FBXW11: variants seen among roughly 807,000 people sequenced by gnomAD.
FBXW11 encodes the protein F-box/WD repeat-containing protein 11.
FBXW11 carries 19 observed loss-of-function variants against 77.6 expected under a neutral mutation model. The observed-to-expected ratio is 0.24, with a 90% CI of 0.17 to 0.36. The LOEUF is 0.36. Ranked by LOEUF, FBXW11 falls within the 10% of genes least tolerant of loss-of-function variation. The pLI, the probability that FBXW11 is intolerant of heterozygous loss-of-function variation, is 1.00. For synonymous variants in FBXW11, 235 were observed against 249.4 expected, an observed-to-expected ratio of 0.94 and a Z score of 0.54; for missense variants, 334 against 704.2, an observed-to-expected ratio of 0.47 and a Z score of 5.95.
chr5:171,928,331 T>C (rs1455610239), intron 2 of FBXW11, among the ~76,000 whole-genome samples: 1 of 152,154 alleles, frequency 6.6e-6, no homozygotes, highest in Non-Finnish European at 1.5e-5. Context: ...CCCAAAACTA[T>C]CTACAGATTT....
intron 4 of FBXW11, among the ~76,000 whole-genome samples, chr5:171,907,423 T>G (rs1760598764): frequency 6.6e-6 from 1 of 152,158 alleles, no homozygotes; most frequent in Non-Finnish European, 1.5e-5. Context: ...CTCCACACAT[T>G]ATTAAATCTA....
At chr5:171,884,537 T>G (rs1024739544) in intron 7 of FBXW11, among the ~76,000 whole-genome samples, 2 of 152,198 alleles carry the variant, frequency 1.3e-5, no homozygotes, top group Non-Finnish European at 2.9e-5. Context: ...CTTTTTTGGT[T>G]CCAAGTGAAT....
intron 2 of FBXW11, among the ~76,000 whole-genome samples, chr5:171,931,255 T>A (rs1028229167): frequency 6.6e-6 from 1 of 151,954 alleles, no homozygotes; most frequent in African/African-American, 2.4e-5. Context: ...GAGAACAAAG[T>A]TCAAGGAATG....
intron 6 of FBXW11, among the ~76,000 whole-genome samples, chr5:171,897,753 C>T (rs577453665): frequency 2.6e-4 from 39 of 151,204 alleles, no homozygotes; most frequent in African/African-American, 9.5e-4. Context: ...AGTTGCCCCT[C>T]ATCAAGTGAA....
intron 1 of FBXW11, among the ~76,000 whole-genome samples, chr5:171,996,314 A>C (rs1766041998): frequency 6.6e-6 from 1 of 152,226 alleles, no homozygotes; most frequent in African/African-American, 2.4e-5. Flanking sequence ...TAAACAACAT[A>C]TGTCTCTGTT....
intron 2 of FBXW11, among the ~76,000 whole-genome samples, chr5:171,956,733 T>G (rs1221442404): frequency 6.6e-6 from 1 of 152,234 alleles, no homozygotes; most frequent in African/African-American, 2.4e-5. Flanking sequence ...CTCAACCAGA[T>G]GCCAGGAATT....
intron 1 of FBXW11, among the ~76,000 whole-genome samples, chr5:171,998,791 C>T (rs917495884): frequency 1.2e-4 from 16 of 135,842 alleles, no homozygotes; most frequent in African/African-American, 4.7e-4. Flanking sequence ...AGCAAGACTC[C>T]GTCTCAAAAA....
At chr5:171,952,447 A>ATATTTTTT in intron 2 of FBXW11, among the ~76,000 whole-genome samples, 1 of 6,948 alleles carries the variant, frequency 1.4e-4, no homozygotes, top group Non-Finnish European at 3.2e-4. Context: ...ATATATATAT[A>ATATTTTTT]TTTTTTTTTT....
chr5:171,912,809 C>G (rs1463015947), intron 3 of FBXW11, among the ~76,000 whole-genome samples: 1 of 151,940 alleles, frequency 6.6e-6, no homozygotes, highest in Non-Finnish European at 1.5e-5. Context: ...ACTCAGGAGG[C>G]TGAGGCAGGA....
At chr5:171,889,479 G>A (rs1451566082) in intron 7 of FBXW11, among the ~76,000 whole-genome samples, 2 of 143,498 alleles carry the variant, frequency 1.4e-5, no homozygotes, top group Non-Finnish European at 3.0e-5. Flanking sequence ...AGTGAGCCGA[G>A]ATCATGCCAC....
chr5:171,913,111 C>T (rs889400075), intron 3 of FBXW11, among the ~76,000 whole-genome samples: 5 of 152,182 alleles, frequency 3.3e-5, no homozygotes, highest in Admixed American at 6.5e-5. Context: ...TGTATGCTTT[C>T]CTTCCCCCTT....
In FBXW11 at chr5:171,925,619, C is replaced by G. The variant is rs541323008; in HGVS notation, c.148-11214G>C. Among the ~76,000 whole-genome samples the G allele has an allele frequency of 2.0e-5, 3 of 152,292 alleles. No homozygotes were observed. The South Asian group carries it at 6.2e-4, about 32-fold the overall frequency. ...CCTCAGCCTCCCAAGTAGCTGGGACCACAGGTGCATGCCACCGTGCCTGGC... is the reference window on the plus strand; with the variant it reads ...CCTCAGCCTCCCAAGTAGCTGGGACGACAGGTGCATGCCACCGTGCCTGGC... On this transcript the variant is annotated intron_variant, in intron 2 of 13. Coordinates refer to ENST00000517395, the MANE Select transcript of FBXW11 (RefSeq NM_001378974.1).
intron 1 of FBXW11, among the ~76,000 whole-genome samples, chr5:171,999,448 GTA>G (rs548897730): frequency 5.3e-5 from 8 of 150,072 alleles, no homozygotes; most frequent in South Asian, 4.2e-4. Flanking sequence ...ATCCCTAATT[GTA>G]TATATATATT....
intron 1 of FBXW11, among the ~76,000 whole-genome samples, chr5:171,960,148 G>C (rs772175132): frequency 6.6e-6 from 1 of 152,204 alleles, no homozygotes; most frequent in Non-Finnish European, 1.5e-5. Flanking sequence ...GGCCGAGGTG[G>C]TGGGATTACT....
chr5:171,898,881 G>A (rs1010688339), intron 6 of FBXW11, 123 bp downstream of exon 6: 1 of 524,754 alleles, frequency 1.9e-6, no homozygotes, highest in Non-Finnish European at 3.3e-6. Flanking sequence ...TACTCCAAAA[G>A]CTCAACTTTT....
intron 2 of FBXW11, among the ~76,000 whole-genome samples, chr5:171,934,444 G>A (rs12518003): frequency 0.27 from 41,456 of 151,944 alleles, 6,720 homozygotes; most frequent in East Asian, 0.48. Context: ...TTTGGGGGCC[G>A]AGGCATGCAG....
chr5:171,897,606 T>A (rs1434844877), intron 6 of FBXW11, among the ~76,000 whole-genome samples: 1 of 152,170 alleles, frequency 6.6e-6, no homozygotes, highest in Non-Finnish European at 1.5e-5. Context: ...AATCAAACTA[T>A]CTATGTTGCC....
At chr5:171,956,447 G>A (rs961689970) in intron 2 of FBXW11, among the ~76,000 whole-genome samples, 5 of 152,162 alleles carry the variant, frequency 3.3e-5, no homozygotes, top group African/African-American at 1.2e-4. Context: ...TCGCTCTCCA[G>A]TTAACTGTGT....
At chr5:171,880,981 G>A (rs1036333460) in intron 7 of FBXW11, among the ~76,000 whole-genome samples, 4 of 152,322 alleles carry the variant, frequency 2.6e-5, no homozygotes, top group Non-Finnish European at 5.9e-5. Context: ...ATAGGCGTGA[G>A]CCACCGCGCC....
Sources: allele counts gnomAD v4.1 joint callset (sites outside exome capture counted in the v4.1 genomes callset), GRCh38; gene constraint gnomAD v4.1.1; transcripts MANE v1.5; gene names NCBI Gene and HGNC (gene_info 2026-07-23, HGNC 2026-07-21).